The following KCNH8 variants were observed in gnomAD, a reference collection of about 807,000 sequenced individuals.
KCNH8 encodes the protein voltage-gated delayed rectifier potassium channel KCNH8.
In KCNH8, 70 loss-of-function variants were observed where a neutral mutation model predicts 103.6. That is an observed-to-expected ratio of 0.68 (90% CI 0.56 to 0.82). KCNH8 has a LOEUF of 0.82. KCNH8 is among the 40% of genes least tolerant of loss of function. The pLI is 0.00. For synonymous variants in KCNH8, 498 were observed against 489.4 expected (o/e 1.02, Z -0.23); for missense variants, 1,217 against 1,329.9 (o/e 0.92, Z 1.32).
At chr3:19,366,739 C>T (rs2066016880) in intron 5 of KCNH8, among the ~76,000 whole-genome samples, 1 of 152,024 alleles carries the variant, frequency 6.6e-6, no homozygotes, top group Non-Finnish European at 1.5e-5. Flanking sequence ...TATTTTCCAT[C>T]TCAGTCCATG....
intron 2 of KCNH8, among the ~76,000 whole-genome samples, chr3:19,254,772 G>A (rs539450669): frequency 3.9e-5 from 6 of 152,180 alleles, no homozygotes; most frequent in Non-Finnish European, 8.8e-5. Flanking sequence ...TTTAGCTAGT[G>A]CATGGCTACC....
intron 3 of KCNH8, among the ~76,000 whole-genome samples, chr3:19,282,652 G>A (rs1261400867): frequency 6.6e-6 from 1 of 152,072 alleles, no homozygotes; most frequent in East Asian, 1.9e-4. Context: ...TGAGGACCAT[G>A]CCTAATGGTT....
intron 2 of KCNH8, among the ~76,000 whole-genome samples, chr3:19,254,561 G>A (rs1223690999): frequency 6.6e-6 from 1 of 152,048 alleles, no homozygotes; most frequent in Admixed American, 6.6e-5. Context: ...GGTGTGTAAG[G>A]TGTCCTCAGT....
intron 11 of KCNH8, among the ~76,000 whole-genome samples, chr3:19,484,439 A>G (rs561608284): frequency 1.3e-3 from 194 of 152,340 alleles, no homozygotes; most frequent in African/African-American, 4.4e-3. Context: ...AATTATAAGG[A>G]AAATGAGTTT....
chr3:19,452,022 T>C (rs1663238534), intron 10 of KCNH8, among the ~76,000 whole-genome samples: 1 of 152,180 alleles, frequency 6.6e-6, no homozygotes, highest in Admixed American at 6.6e-5. Context: ...TAAAAGGCAG[T>C]TGACAAAAAT....
chr3:19,417,695 C>G (rs2066884530), intron 7 of KCNH8, among the ~76,000 whole-genome samples: 1 of 151,992 alleles, frequency 6.6e-6, no homozygotes, highest in South Asian at 2.1e-4. Flanking sequence ...CTACTTTAAT[C>G]ATAGTAATTC....
intron 2 of KCNH8, 24 bp downstream of exon 2, chr3:19,253,911 C>G: frequency 6.5e-7 from 1 of 1,537,630 alleles, no homozygotes; most frequent in Non-Finnish European, 9.0e-7. Context: ...CTTTCGTGCT[C>G]ACTGGAGAGT....
intron 1 of KCNH8, among the ~76,000 whole-genome samples, chr3:19,204,712 G>A (rs1389254665): frequency 6.6e-6 from 1 of 151,950 alleles, no homozygotes; most frequent in Non-Finnish European, 1.5e-5. Context: ...AGCCATAATT[G>A]GAATCCAAAC....
intron 11 of KCNH8, among the ~76,000 whole-genome samples, chr3:19,467,096 A>T (rs1231138565): frequency 6.6e-6 from 1 of 152,130 alleles, no homozygotes; most frequent in East Asian, 1.9e-4. Context: ...CATATGACTC[A>T]CTTTACTGAG....
At chr3:19,255,752 A>C (rs998401470) in intron 2 of KCNH8, among the ~76,000 whole-genome samples, 1 of 152,074 alleles carries the variant, frequency 6.6e-6, no homozygotes, top group Non-Finnish European at 1.5e-5. Context: ...CTCTAAAAAA[A>C]AAAGATAGTT....
chr3:19,319,290 G>A (rs1239214693), intron 3 of KCNH8, among the ~76,000 whole-genome samples: 1 of 151,908 alleles, frequency 6.6e-6, no homozygotes, highest in Non-Finnish European at 1.5e-5. Context: ...GAATCTTTAT[G>A]GTTTCAGGTT....
chr3:19,210,568 T>A (rs184005224), intron 1 of KCNH8, among the ~76,000 whole-genome samples: 3,928 of 141,758 alleles, frequency 0.028, 153 homozygotes, highest in African/African-American at 0.11. Flanking sequence ...TTTAAAAAAA[T>A]ATATATTGCT....
At chr3:19,474,452 A>G (rs1050446132) in intron 11 of KCNH8, among the ~76,000 whole-genome samples, 1 of 152,174 alleles carries the variant, frequency 6.6e-6, no homozygotes. Flanking sequence ...GAGTGGAGGA[A>G]ACAGCAGCCA....
At chr3:19,248,388 A>G (rs527740131) in intron 1 of KCNH8, among the ~76,000 whole-genome samples, 80 of 152,334 alleles carry the variant, frequency 5.3e-4, no homozygotes, top group African/African-American at 1.8e-3. Context: ...TATTTCTGAA[A>G]CACTGATTTT....
chr3:19,323,610 G>A (rs756540171), intron 3 of KCNH8, among the ~76,000 whole-genome samples: 21 of 152,164 alleles, frequency 1.4e-4, no homozygotes, highest in Admixed American at 2.6e-4. Flanking sequence ...TGATTTTCTG[G>A]TTCCTTCTCA....
At chr3:19,460,850 T>C (rs1052223318) in intron 11 of KCNH8, among the ~76,000 whole-genome samples, 1 of 152,164 alleles carries the variant, frequency 6.6e-6, no homozygotes, top group African/African-American at 2.4e-5. Context: ...TAAGATCTGA[T>C]GGTTTCATAA....
chr3:19,360,120 T>C (rs983763511), intron 5 of KCNH8, among the ~76,000 whole-genome samples: 1 of 151,904 alleles, frequency 6.6e-6, no homozygotes, highest in African/African-American at 2.4e-5. Flanking sequence ...AGATAGCAAA[T>C]GAAAATAAGA....
intron 15 of KCNH8, among the ~76,000 whole-genome samples, chr3:19,528,045 A>T (rs1044026357): frequency 1.3e-5 from 2 of 151,996 alleles, no homozygotes; most frequent in African/African-American, 4.8e-5. Flanking sequence ...AACAGTTTTA[A>T]ATTCCAGGCT....
chr3:19,358,188 C>T (rs1372340861), intron 5 of KCNH8, among the ~76,000 whole-genome samples: 1 of 151,132 alleles, frequency 6.6e-6, no homozygotes, highest in East Asian at 1.9e-4. Flanking sequence ...TTCCTTCCTT[C>T]CTTCCTTCTT....
Sources: allele counts gnomAD v4.1 joint callset (sites outside exome capture counted in the v4.1 genomes callset), GRCh38; gene constraint gnomAD v4.1.1; transcripts MANE v1.5; gene names NCBI Gene and HGNC (gene_info 2026-07-23, HGNC 2026-07-21).